Variants in ZDHHC15 observed in about 807,000 individuals in gnomAD.
ZDHHC15 encodes zDHHC palmitoyltransferase 15.
In ZDHHC15, 19 loss-of-function variants were observed where a neutral mutation model predicts 31.7. That is an observed-to-expected ratio of 0.60 (90% CI 0.42 to 0.88). The LOEUF is 0.88. Among genes scored for constraint, ZDHHC15 ranks in the 40% least tolerant of loss-of-function variants. The pLI is 0.00. For synonymous variants in ZDHHC15, 103 were observed against 90.0 expected (o/e 1.14, Z -0.82); for missense variants, 209 against 251.2 (o/e 0.83, Z 1.14).
At chrX:75,470,584 T>C (rs762948020) in intron 3 of ZDHHC15, among the ~76,000 whole-genome samples, 1 of 111,445 alleles carries the variant, frequency 9.0e-6, no homozygotes, top group South Asian at 3.8e-4. Context: ...GGACACTGGC[T>C]CTGAGCTGAT....
intron 4 of ZDHHC15, among the ~76,000 whole-genome samples, chrX:75,442,810 C>A (rs979496226): frequency 9.3e-6 from 1 of 107,500 alleles, no homozygotes; most frequent in Admixed American, 9.9e-5. Context: ...CAAGGTGAAA[C>A]CCCGTCTCTA....
intron 7 of ZDHHC15, among the ~76,000 whole-genome samples, chrX:75,427,724 A>T (rs1219430803): frequency 9.0e-6 from 1 of 111,706 alleles, no homozygotes; most frequent in Non-Finnish European, 1.9e-5. Flanking sequence ...ACAAAGGAAG[A>T]GATGATGAAG....
Position 75,506,001 on chromosome X carries a change from T to C in ZDHHC15, c.137-154A>G, listed in dbSNP as rs150827093. On this transcript the variant is annotated intron_variant, in intron 1 of 11. Transcript: ENST00000373367. ...ATATAATAGTACTTTAGGAAACCACTAGGCAAAGATGAGGGAAGGCAAGGG... is the reference window on the plus strand; with the variant it reads ...ATATAATAGTACTTTAGGAAACCACCAGGCAAAGATGAGGGAAGGCAAGGG... Among the ~76,000 whole-genome samples the C allele has an allele frequency of 8.0e-3, 892 of 111,427 alleles. 11 individuals are homozygous for C. Among genetic ancestry groups the C allele is most frequent in the African/African-American group, 0.027 (820 of 30,742 alleles).
At chrX:75,393,740 C>T (rs969118503) in intron 10 of ZDHHC15, among the ~76,000 whole-genome samples, 2 of 111,449 alleles carry the variant, frequency 1.8e-5, no homozygotes, top group Admixed American at 9.6e-5. Flanking sequence ...TATTAGTCAG[C>T]GTTCTCTAGA....
chrX:75,466,037 T>A (rs2084399292), intron 3 of ZDHHC15, among the ~76,000 whole-genome samples: 1 of 111,099 alleles, frequency 9.0e-6, no homozygotes, highest in African/African-American at 3.3e-5. Context: ...AGTTTTACAA[T>A]CTCTCCATCT....
intron 2 of ZDHHC15, among the ~76,000 whole-genome samples, chrX:75,499,278 G>A (rs1273916662): frequency 1.8e-5 from 2 of 111,548 alleles, no homozygotes; most frequent in Non-Finnish European, 3.8e-5. Flanking sequence ...AAGATAAATA[G>A]ATCGGACTTA....
intron 10 of ZDHHC15, among the ~76,000 whole-genome samples, chrX:75,406,474 A>C (rs2083412301): frequency 9.0e-6 from 1 of 111,377 alleles, no homozygotes; most frequent in African/African-American, 3.3e-5. Flanking sequence ...AAAAGAGAGA[A>C]GACCCAAATA....
At chrX:75,379,059 T>A in intron 11 of ZDHHC15, 61 bp downstream of exon 11, 1 of 949,600 alleles carries the variant, frequency 1.1e-6, no homozygotes, top group Non-Finnish European at 1.5e-6. Context: ...CTAGTTCTTC[T>A]CCCAAGCCGC....
intron 10 of ZDHHC15, among the ~76,000 whole-genome samples, chrX:75,395,609 A>C (rs2083291460): frequency 8.9e-6 from 1 of 112,089 alleles, no homozygotes; most frequent in Non-Finnish European, 1.9e-5. Context: ...TAAAATGTCC[A>C]TACTACCCAA....
At chrX:75,409,978 C>T (rs2083467094) in intron 10 of ZDHHC15, among the ~76,000 whole-genome samples, 1 of 110,211 alleles carries the variant, frequency 9.1e-6, no homozygotes, top group African/African-American at 3.3e-5. Flanking sequence ...CAAGAACATA[C>T]AATGTAGAAA....
intron 3 of ZDHHC15, among the ~76,000 whole-genome samples, chrX:75,471,246 A>C (rs1163685576): frequency 8.9e-6 from 1 of 112,001 alleles, no homozygotes; most frequent in African/African-American, 3.2e-5. Flanking sequence ...TTATTGTCCT[A>C]CCTTAGGAGT....
In ZDHHC15 at chrX:75,427,251, T is replaced by C. The variant is rs186586059; in HGVS notation, c.603+1827A>G. Among the ~76,000 whole-genome samples, 61 of 107,482 alleles carry C rather than the reference T, an allele frequency of 5.7e-4. 3 individuals carry two copies. In the East Asian group the frequency reaches 8.4e-3, roughly 15 times the overall value. 93.3% of individuals were successfully genotyped at this position (107,482 alleles called of 115,157 possible). A position where few individuals can be genotyped will look rare whatever the true frequency, so the allele number is the denominator to read the frequency against. ...TTAGGACAAGCCAGGACACATTTCC[T>C]TGCCTCTCATCTGTGAGGCATGAGC... On this transcript the variant is annotated intron_variant, in intron 7 of 11. Coordinates refer to ENST00000373367, the MANE Select transcript of ZDHHC15 (RefSeq NM_144969.3).
intron 3 of ZDHHC15, among the ~76,000 whole-genome samples, chrX:75,468,102 A>C (rs1336450522): frequency 9.4e-6 from 1 of 106,105 alleles, no homozygotes; most frequent in Non-Finnish European, 1.9e-5. Context: ...CTGGAGTGCA[A>C]TAGCACAATC....
intron 2 of ZDHHC15, among the ~76,000 whole-genome samples, chrX:75,490,936 A>T (rs898840904): frequency 1.8e-5 from 2 of 112,030 alleles, no homozygotes; most frequent in East Asian, 2.8e-4. Context: ...ATACCATCTC[A>T]CACCAGTTAG....
rs1013022417 is a variant in ZDHHC15 at position 75,471,846 on chromosome X, C to T, written c.258+7045G>A. Among the ~76,000 whole-genome samples the T allele has an allele frequency of 2.7e-5, 3 of 111,806 alleles. No individual in the cohort carries two copies. In the Admixed American group the frequency reaches 2.8e-4, roughly 11 times the overall value. ...TTGGCAGGCTCCCACAGGTGAATCA[C>T]AGCAGAGGTCTCTAGGATTTTGGAG... On this transcript the variant is annotated intron_variant, in intron 3 of 11. Coordinates refer to ENST00000373367, the MANE Select transcript of ZDHHC15 (RefSeq NM_144969.3).
intron 10 of ZDHHC15, among the ~76,000 whole-genome samples, chrX:75,381,501 G>C (rs753767930): frequency 9.0e-6 from 1 of 111,298 alleles, no homozygotes; most frequent in Non-Finnish European, 1.9e-5. Flanking sequence ...ACAGTTTTTT[G>C]CTGTTCTTTC....
At chrX:75,510,454 G>A (rs1038837998) in intron 1 of ZDHHC15, among the ~76,000 whole-genome samples, 1 of 90,311 alleles carries the variant, frequency 1.1e-5, no homozygotes, top group Non-Finnish European at 2.2e-5. Context: ...TAGAAACTTG[G>A]TTTCTAGAAA....
chrX:75,513,644 T>A (rs1381229871), intron 1 of ZDHHC15, among the ~76,000 whole-genome samples: 1 of 110,976 alleles, frequency 9.0e-6, no homozygotes, highest in African/African-American at 3.3e-5. Flanking sequence ...AATATACACA[T>A]AACGGGGCTT....
intron 2 of ZDHHC15, among the ~76,000 whole-genome samples, chrX:75,493,047 A>C (rs748812443): frequency 1.9e-4 from 21 of 111,987 alleles, no homozygotes; most frequent in Non-Finnish European, 3.6e-4. Context: ...AAGACTAATA[A>C]AGAAGAAAAG....
Sources: gnomAD v4.1 joint callset for allele counts (sites outside exome capture counted in the v4.1 genomes callset) on GRCh38, gnomAD v4.1.1 for gene constraint, MANE v1.5 for transcripts, NCBI Gene and HGNC (gene_info 2026-07-23, HGNC 2026-07-21) for gene names.